Variants in LHFPL5 observed in about 807,000 individuals in gnomAD.
The protein encoded by LHFPL5 is LHFPL tetraspan subfamily member 5 protein.
In LHFPL5, 12 loss-of-function variants were observed where a neutral mutation model predicts 18.7. The observed-to-expected ratio is 0.64, with a 90% CI of 0.41 to 1.04. The LOEUF (loss-of-function observed/expected upper bound fraction) is 1.04, where lower values mean the gene tolerates loss of function less well. LHFPL5 is among the 50% of genes least tolerant of loss of function. The pLI is 0.00. For synonymous variants in LHFPL5, 111 were observed against 120.2 expected, an observed-to-expected ratio of 0.92 and a Z score of 0.50; for missense variants, 259 against 292.1, an observed-to-expected ratio of 0.89 and a Z score of 0.83.
chr6:35,823,426 T>TATATATACACAC lies in LHFPL5; in HGVS notation c.*462_*463insTATATACACACA. 1.7e-5 allele frequency: 1 copy of TATATATACACAC among 59,388 alleles called. No individual in the cohort carries two copies. Among genetic ancestry groups the TATATATACACAC allele is most frequent in the African/African-American group, 6.4e-5 (1 of 15,606 alleles). The allele number at this position is 59,388 out of a possible 1,614,324, so 3.7% of individuals were successfully genotyped here. On this transcript the variant is annotated 3_prime_UTR_variant, in exon 4 of 4. Coordinates refer to ENST00000360215, the MANE Select transcript of LHFPL5 (RefSeq NM_182548.4). ...ACACACACACACACACACACACACA[T>TATATATACACAC]ACATACACACACACATATATATACA...
chr6:35,812,727 G>A (rs1280229886), intron 1 of LHFPL5, among the ~76,000 whole-genome samples: 1 of 152,134 alleles, frequency 6.6e-6, no homozygotes, highest in Non-Finnish European at 1.5e-5. Flanking sequence ...TTATTATTAT[G>A]TCCATTTTGT....
At chr6:35,817,320 A>G (rs1016642569) in intron 2 of LHFPL5, among the ~76,000 whole-genome samples, 30 of 148,342 alleles carry the variant, frequency 2.0e-4, no homozygotes, top group African/African-American at 6.9e-4. Flanking sequence ...GACTCAATCT[A>G]AAAAAAAAAA....
rs867832338 is a variant in LHFPL5, at chr6:35,808,582, T to C, written c.412+2500T>C. ...TTTTATACATATATATATATATATA[T>C]ATATATATATATATATATATATATG... On this transcript the variant is annotated intron_variant, in intron 1 of 3. Transcript: ENST00000360215. 7.3e-4 allele frequency among the ~76,000 whole-genome samples: 94 copies of C among 128,198 alleles called. 2 individuals carry two copies. The highest frequency in any genetic ancestry group is 2.7e-3 in the African/African-American group (87 of 31,888). 84.1% of individuals were successfully genotyped at this position (128,198 alleles called of 152,430 possible). A position where few individuals can be genotyped will look rare whatever the true frequency, so the allele number is the denominator to read the frequency against.
chr6:35,812,862 C>A (rs1323399890), intron 1 of LHFPL5, among the ~76,000 whole-genome samples: 4 of 152,110 alleles, frequency 2.6e-5, no homozygotes, highest in Non-Finnish European at 5.9e-5. Context: ...CAAGACCAAC[C>A]TGGCCAACGT....
Position 35,805,933 on chromosome 6 carries a change from C to T in LHFPL5, c.263C>T (p.Ser88Phe), listed in dbSNP as rs778000384. Reference sequence around the variant, plus strand: ...AAGGGCGGCCCCCTAGACTTCTCCTCCATCCCCTCTAGAGCCTTCAAGACT... The same window carrying T: ...AAGGGCGGCCCCCTAGACTTCTCCTTCATCCCCTCTAGAGCCTTCAAGACT... ...ICKGGPLDFS[S>F]IPSRAFKTAM... is the part of the protein sequence containing the mutation. The change falls in exon 1 of 4, where the codon TCC becomes TTC. Residue 88 changes from serine to phenylalanine, a missense_variant. Physicochemically the swap from Ser to Phe is radical, Grantham distance 155 (BLOSUM62 -2). Coordinates refer to ENST00000360215, the MANE Select transcript of LHFPL5 (RefSeq NM_182548.4). The surrounding 1 kb of genome is among the most constrained non-coding windows in gnomAD (Gnocchi z 4.3). 25 of 1,614,146 alleles carry T rather than the reference C, an allele frequency of 1.5e-5. No individual in the cohort carries two copies. Among genetic ancestry groups the T allele is most frequent in the Non-Finnish European group, 1.9e-5 (23 of 1,180,054 alleles).
rs549344334 is a variant in LHFPL5, at chr6:35,819,836, C to T, written c.*16+373C>T. The T allele has an allele frequency of 8.9e-4, 259 of 289,788 alleles. 3 individuals are homozygous for T. The highest frequency in any genetic ancestry group is 5.1e-3 in the African/African-American group (238 of 46,228). 18.0% of individuals were successfully genotyped at this position (289,788 alleles called of 1,614,324 possible). A position where few individuals can be genotyped will look rare whatever the true frequency, so the allele number is the denominator to read the frequency against. ...GGGATTACAGGTGCGTGCCACCATG[C>T]CTGGCTAATTTTTTGTATTTTTAGT... is the stretch of plus-strand genomic sequence containing the variant. On this transcript the variant is annotated intron_variant, in intron 3 of 3. Coordinates refer to ENST00000360215, the MANE Select transcript of LHFPL5 (RefSeq NM_182548.4).
At chr6:35,816,123 A>T (rs1261950986) in intron 2 of LHFPL5, among the ~76,000 whole-genome samples, 2 of 147,390 alleles carry the variant, frequency 1.4e-5, no homozygotes, top group Non-Finnish European at 3.0e-5. Flanking sequence ...GTGAGCCGAG[A>T]TTGCGCCACT....
Position 35,814,186 on chromosome 6 carries a change from T to C in LHFPL5, c.413-360T>C, listed in dbSNP as rs1339175456. On this transcript the variant is annotated intron_variant, in intron 1 of 3. Transcript: ENST00000360215. The surrounding 1 kb of genome is among the most constrained non-coding windows in gnomAD (Gnocchi z 4.2). Reference sequence around the variant, plus strand: ...AGTGATGAGTTCTTTGGGCTGGGACTAGATACCGGAGGGCTTTGAAGCCAG... The same window carrying C: ...AGTGATGAGTTCTTTGGGCTGGGACCAGATACCGGAGGGCTTTGAAGCCAG... Among the ~76,000 whole-genome samples, 1 of 152,198 alleles carries C rather than the reference T, an allele frequency of 6.6e-6. No homozygotes were observed. Among genetic ancestry groups the C allele is most frequent in the Non-Finnish European group, 1.5e-5 (1 of 68,032 alleles).
Position 35,823,873 on chromosome 6 carries a change from A to G in LHFPL5, c.*908A>G, listed in dbSNP as rs1478176832. ...AATAGATGACATTTTTTTTTTTCAA[A>G]AACTTTGGATTTGGCATATAGTCAT... On this transcript the variant is annotated 3_prime_UTR_variant, in exon 4 of 4. Transcript: ENST00000360215. The G allele has an allele frequency of 6.6e-6, 1 of 151,850 alleles. No individual in the cohort carries two copies. The highest frequency in any genetic ancestry group is 1.5e-5 in the Non-Finnish European group (1 of 67,942). 9.4% of individuals were successfully genotyped at this position (151,850 alleles called of 1,614,324 possible). A position where few individuals can be genotyped will look rare whatever the true frequency, so the allele number is the denominator to read the frequency against.
chr6:35,812,035 T>C (rs1768672544), intron 1 of LHFPL5, among the ~76,000 whole-genome samples: 1 of 152,206 alleles, frequency 6.6e-6, no homozygotes, highest in African/African-American at 2.4e-5. Context: ...CTTGGTTTCT[T>C]TGAGCCCTCA....
At chr6:35,810,556 A>C (rs1768647909) in intron 1 of LHFPL5, among the ~76,000 whole-genome samples, 1 of 152,186 alleles carries the variant, frequency 6.6e-6, no homozygotes, top group African/African-American at 2.4e-5. Flanking sequence ...GTTACAAAAA[A>C]ATACAAAAAA....
Position 35,814,531 on chromosome 6 carries a change from C to T in LHFPL5, c.413-15C>T, listed in dbSNP as rs772061805. ...ACTCGGCCTGATGCCATGTGCACCCCTCCTTCCCCCTCAGCCACAGGCCTA... is the reference window on the plus strand; with the variant it reads ...ACTCGGCCTGATGCCATGTGCACCCTTCCTTCCCCCTCAGCCACAGGCCTA... On this transcript the variant is annotated splice_polypyrimidine_tract_variant and intron_variant, in intron 1 of 3. Transcript: ENST00000360215. This position sits in a 1 kb window ranked among gnomAD's most constrained non-coding sequence, Gnocchi z 4.2. The T allele has an allele frequency of 2.5e-6, 4 of 1,600,322 alleles. No individual in the cohort carries two copies. Among genetic ancestry groups the T allele is most frequent in the Admixed American group, 3.3e-5 (2 of 59,978 alleles).
Position 35,814,043 on chromosome 6 carries a change from C to T in LHFPL5, c.413-503C>T, listed in dbSNP as rs531212009. 2.6e-4 allele frequency among the ~76,000 whole-genome samples: 40 copies of T among 152,242 alleles called. 1 individual carries two copies. The highest frequency in any genetic ancestry group is 8.9e-4 in the African/African-American group (37 of 41,520). The stretch of plus-strand genomic sequence containing the variant: ...AACTCCCAACCTCAGGTGATCTGCC[C>T]GCCTCGACCTCCCAAAGTGCTGGGA... On this transcript the variant is annotated intron_variant, in intron 1 of 3. Transcript: ENST00000360215. This position sits in a 1 kb window ranked among gnomAD's most constrained non-coding sequence, Gnocchi z 4.2.
chr6:35,813,711 G>A (rs1768710116), intron 1 of LHFPL5, among the ~76,000 whole-genome samples: 1 of 151,298 alleles, frequency 6.6e-6, no homozygotes, highest in South Asian at 2.1e-4. Context: ...TGAGTTGTAG[G>A]ACACACTGTT....
intron 3 of LHFPL5, among the ~76,000 whole-genome samples, chr6:35,821,536 C>T (rs546432938): frequency 6.7e-6 from 1 of 150,276 alleles, no homozygotes; most frequent in Admixed American, 6.7e-5. Flanking sequence ...GGCTGGAGTG[C>T]AATGACATGA....
At chr6:35,812,616 A>T (rs1462390605) in intron 1 of LHFPL5, among the ~76,000 whole-genome samples, 1 of 152,226 alleles carries the variant, frequency 6.6e-6, no homozygotes, top group Non-Finnish European at 1.5e-5. Flanking sequence ...TCTCACAGTC[A>T]ACTCTTATGG....
At position 35,822,057 on chromosome 6, in the gene LHFPL5, T is replaced by C. The variant is rs75028046; in HGVS notation, c.*17-925T>C. Reference sequence around the variant, plus strand: ...CCCAGCTATAATAATTTTGTTTTTTTTGTTTGTTTGTTGAAGAAACGATGT... The same window carrying C: ...CCCAGCTATAATAATTTTGTTTTTTCTGTTTGTTTGTTGAAGAAACGATGT... On this transcript the variant is annotated intron_variant, in intron 3 of 3. Coordinates refer to ENST00000360215, the MANE Select transcript of LHFPL5 (RefSeq NM_182548.4). 4.0e-5 allele frequency among the ~76,000 whole-genome samples: 6 copies of C among 151,612 alleles called. No individual in the cohort carries two copies. The East Asian group carries it at 1.2e-3, about 29-fold the overall frequency.
intron 1 of LHFPL5, among the ~76,000 whole-genome samples, chr6:35,807,149 G>A (rs530265467): frequency 6.2e-4 from 95 of 152,184 alleles, no homozygotes; most frequent in African/African-American, 2.1e-3. Context: ...AAAACAATGT[G>A]GGGGCTGGGC....
rs532073259 is a variant in LHFPL5, at chr6:35,823,435, A to G, written c.*470A>G. The G allele has an allele frequency of 8.4e-6, 1 of 118,346 alleles. No homozygotes were observed. Among genetic ancestry groups the G allele is most frequent in the Non-Finnish European group, 1.7e-5 (1 of 58,566 alleles). The allele number at this position is 118,346 out of a possible 1,614,324, so 7.3% of individuals were successfully genotyped here. A position where few individuals can be genotyped will look rare whatever the true frequency, so the allele number is the denominator to read the frequency against. ...CACACACACACACACATACATACAC[A>G]CACACATATATATACACACACACAC... is the stretch of plus-strand genomic sequence containing the variant. On this transcript the variant is annotated 3_prime_UTR_variant, in exon 4 of 4. Coordinates refer to ENST00000360215, the MANE Select transcript of LHFPL5 (RefSeq NM_182548.4).
Sources: allele counts gnomAD v4.1 joint callset (sites outside exome capture counted in the v4.1 genomes callset), GRCh38; gene constraint gnomAD v4.1.1; non-coding constraint Gnocchi (gnomAD v3.1); transcripts MANE v1.5; gene names NCBI Gene and HGNC (gene_info 2026-07-23, HGNC 2026-07-21).